PCDH15: variants seen among roughly 807,000 people sequenced by gnomAD.
PCDH15 encodes the protein protocadherin related 15.
Under a neutral mutation model 178.5 loss-of-function variants are expected in PCDH15, and 129 were observed. That is an observed-to-expected ratio of 0.72 (90% CI 0.63 to 0.84). The LOEUF (loss-of-function observed/expected upper bound fraction) is 0.84, where lower values mean the gene tolerates loss of function less well. PCDH15 is among the 40% of genes least tolerant of loss of function. The pLI is 0.00. For synonymous variants in PCDH15, 800 were observed against 732.0 expected (o/e 1.09, Z -1.50); for missense variants, 2,230 against 2,099.9 (o/e 1.06, Z -1.21).
chr10:55,024,464 T>C (rs10825439), intron 2 of PCDH15, among the ~76,000 whole-genome samples: 1 of 124,276 alleles, frequency 8.0e-6, no homozygotes, highest in Admixed American at 7.5e-5. Flanking sequence ...TACACACACA[T>C]ATATATATAC....
intron 2 of PCDH15, among the ~76,000 whole-genome samples, chr10:55,008,600 T>C (rs1353532282): frequency 3.3e-5 from 5 of 152,118 alleles, no homozygotes; most frequent in African/African-American, 9.7e-5. Context: ...AGAGTAACTA[T>C]TTCAAGCTCA....
At chr10:55,251,398 A>C (rs1366111309) in intron 1 of PCDH15, among the ~76,000 whole-genome samples, 1 of 152,122 alleles carries the variant, frequency 6.6e-6, no homozygotes, top group African/African-American at 2.4e-5. Flanking sequence ...TCAAACAGTA[A>C]TCTGGTTTTT....
At position 54,765,078 on chromosome 10, in the gene PCDH15, C is replaced by A. The variant is rs547124827; in HGVS notation, c.-29+35847G>T. On this transcript the variant is annotated intron_variant, in intron 1 of 37. Coordinates refer to ENST00000644397, the MANE Select transcript of PCDH15 (RefSeq NM_001384140.1). ...GGTTGATACTTGAAAAGAAATTACCCACAAGTTGTGGAGAAAATAAATAGA... is the reference window on the plus strand; with the variant it reads ...GGTTGATACTTGAAAAGAAATTACCAACAAGTTGTGGAGAAAATAAATAGA... 1.8e-4 allele frequency among the ~76,000 whole-genome samples: 28 copies of A among 152,192 alleles called. No homozygotes were observed. In the South Asian group the frequency reaches 5.8e-3, roughly 32 times the overall value.
intron 26 of PCDH15, among the ~76,000 whole-genome samples, chr10:53,885,531 G>A (rs1361106903): frequency 3.9e-5 from 6 of 152,116 alleles, no homozygotes; most frequent in South Asian, 4.1e-4. Context: ...TGTACATATA[G>A]AGATAATTAT....
chr10:53,889,744 T>G (rs919735490), intron 26 of PCDH15, among the ~76,000 whole-genome samples: 2 of 152,146 alleles, frequency 1.3e-5, no homozygotes, highest in African/African-American at 2.4e-5. Flanking sequence ...ATATGGACAG[T>G]ATATAGGATA....
chr10:54,553,302 A>T (rs2086817436), intron 2 of PCDH15, among the ~76,000 whole-genome samples: 2 of 152,118 alleles, frequency 1.3e-5, no homozygotes, highest in African/African-American at 4.8e-5. Flanking sequence ...TGAATGCTCT[A>T]CTGGGGAAGC....
intron 1 of PCDH15, among the ~76,000 whole-genome samples, chr10:54,665,342 C>T (rs1345741164): frequency 2.6e-5 from 4 of 151,844 alleles, no homozygotes; most frequent in Non-Finnish European, 5.9e-5. Context: ...ATGTGATTTC[C>T]AAGTGTTTAC....
chr10:55,406,466 G>C (rs1838199777), intron 2 of PCDH15, among the ~76,000 whole-genome samples: 5 of 152,058 alleles, frequency 3.3e-5, no homozygotes, highest in Admixed American at 3.3e-4. Context: ...TTCATAATGG[G>C]CTAGTTACAT....
intron 1 of PCDH15, among the ~76,000 whole-genome samples, chr10:54,737,442 C>T (rs1012240323): frequency 6.6e-5 from 10 of 152,044 alleles, no homozygotes; most frequent in Non-Finnish European, 1.3e-4. Context: ...AGAGTGAATG[C>T]TCACAATATA....
intron 1 of PCDH15, among the ~76,000 whole-genome samples, chr10:55,224,152 A>C (rs1236186750): frequency 1.3e-5 from 2 of 152,108 alleles, no homozygotes; most frequent in East Asian, 3.9e-4. Context: ...AGTGAGCCAG[A>C]TTGCACCACT....
intron 1 of PCDH15, among the ~76,000 whole-genome samples, chr10:54,766,934 A>AAC (rs1948582053): frequency 7.0e-6 from 1 of 143,184 alleles, no homozygotes; most frequent in Non-Finnish European, 1.6e-5. Context: ...CATCTCAAAA[A>AAC]AACAAAAAAA....
chr10:55,063,409 G>C (rs189064520), intron 2 of PCDH15, among the ~76,000 whole-genome samples: 10 of 151,978 alleles, frequency 6.6e-5, no homozygotes, highest in Admixed American at 6.6e-4. Flanking sequence ...TCTGTCACTT[G>C]TCAGGGTGGT....
intron 1 of PCDH15, among the ~76,000 whole-genome samples, chr10:55,203,993 A>G (rs2132161961): frequency 6.6e-6 from 1 of 151,994 alleles, no homozygotes; most frequent in Non-Finnish European, 1.5e-5. Context: ...GGTGGATTGC[A>G]TGAGTCCAGG....
intron 3 of PCDH15, among the ~76,000 whole-genome samples, chr10:54,894,255 A>C (rs1164838235): frequency 1.3e-5 from 2 of 152,106 alleles, no homozygotes; most frequent in Non-Finnish European, 2.9e-5. Flanking sequence ...GTGCAATTAG[A>C]AGACAAGGGG....
intron 8 of PCDH15, among the ~76,000 whole-genome samples, chr10:54,293,910 C>T (rs546351602): frequency 4.5e-4 from 69 of 152,188 alleles, no homozygotes; most frequent in East Asian, 1.5e-3. Flanking sequence ...GACATTGTGG[C>T]GATTTCTTAA....
chr10:54,815,123 T>G (rs549528646), intron 3 of PCDH15, among the ~76,000 whole-genome samples: 279 of 149,222 alleles, frequency 1.9e-3, no homozygotes, highest in Non-Finnish European at 3.0e-3. Flanking sequence ...ATATGTGGAT[T>G]TTTGTTCAAT....
chr10:54,325,927 C>CAAA (rs1380933629), intron 7 of PCDH15, among the ~76,000 whole-genome samples: 1 of 151,686 alleles, frequency 6.6e-6, no homozygotes, highest in African/African-American at 2.4e-5. Context: ...AATAAATAAG[C>CAAA]AAACAAACAA....
rs113034006 is a variant in PCDH15 at position 53,875,772 on chromosome 10, A to T, written c.3502-8915T>A. On this transcript the variant is annotated intron_variant, in intron 26 of 37. Coordinates refer to ENST00000644397, the MANE Select transcript of PCDH15 (RefSeq NM_001384140.1). ...CATCTGGAAATTTTAATGGATACAG[A>T]TGTACAACATTAAAAGAAAATCACC... is the stretch of plus-strand genomic sequence containing the variant. Among the ~76,000 whole-genome samples the T allele has an allele frequency of 5.1e-3, 770 of 152,362 alleles. 8 individuals are homozygous for T. Among genetic ancestry groups the T allele is most frequent in the African/African-American group, 0.017 (721 of 41,590 alleles).
chr10:54,883,426 A>G (rs1954298629), intron 3 of PCDH15, among the ~76,000 whole-genome samples: 1 of 152,010 alleles, frequency 6.6e-6, no homozygotes, highest in African/African-American at 2.4e-5. Context: ...TTCTTAGAAC[A>G]TACCCTACGT....
Sources: gnomAD v4.1 joint callset for allele counts (sites outside exome capture counted in the v4.1 genomes callset) on GRCh38, gnomAD v4.1.1 for gene constraint, MANE v1.5 for transcripts, NCBI Gene and HGNC (gene_info 2026-07-23, HGNC 2026-07-21) for gene names.